The following ADARB2 variants were observed in gnomAD, a reference collection of about 807,000 sequenced individuals.
ADARB2 encodes adenosine deaminase RNA specific B2 (inactive), also known as inactive double-stranded RNA-specific editase B2.
Under a neutral mutation model 62.2 loss-of-function variants are expected in ADARB2, and 25 were observed. The ratio of observed to expected loss-of-function variants is 0.40; its 90% CI spans 0.29 to 0.56. The LOEUF (loss-of-function observed/expected upper bound fraction) is 0.56. ADARB2 is among the 20% of genes least tolerant of loss of function. ADARB2 has a pLI of 0.43. For synonymous variants in ADARB2, 572 were observed against 500.8 expected, an observed-to-expected ratio of 1.14 and a Z score of -1.90; for missense variants, 1,071 against 1,077.4, an observed-to-expected ratio of 0.99 and a Z score of 0.08.
chr10:1,326,792 GCGCCTCCCCAC>G (rs1831853909), intron 3 of ADARB2, among the ~76,000 whole-genome samples: 3 of 89,326 alleles, frequency 3.4e-5, no homozygotes, highest in Admixed American at 2.6e-4. Context: ...TCACTGCCCA[GCGCCTCCCCAC>G]GGCCCAGCGC....
rs1161544195 is a variant in ADARB2, at chr10:1,178,061, A to G, written c.*5132T>C. On this transcript the variant is annotated 3_prime_UTR_variant, in exon 10 of 10. Coordinates refer to ENST00000381312, the MANE Select transcript of ADARB2 (RefSeq NM_018702.4). ...TGGACACATTCAGGAGAGTCCAAAAATGACTGCAGCAACTCCCTGTGCACA... is the reference window on the plus strand; with the variant it reads ...TGGACACATTCAGGAGAGTCCAAAAGTGACTGCAGCAACTCCCTGTGCACA... 6.6e-6 allele frequency: 1 copy of G among 152,214 alleles called. No homozygotes were observed. Among genetic ancestry groups the G allele is most frequent in the Non-Finnish European group, 1.5e-5 (1 of 68,068 alleles). 9.4% of individuals were successfully genotyped at this position (152,214 alleles called of 1,614,324 possible).
At chr10:1,229,725 C>T (rs1449909223) in intron 6 of ADARB2, among the ~76,000 whole-genome samples, 2 of 21,684 alleles carry the variant, frequency 9.2e-5, no homozygotes, top group Non-Finnish European at 2.2e-4. Flanking sequence ...TTCATGTGTG[C>T]ACTTGTGCTT....
At position 1,185,009 on chromosome 10, in the gene ADARB2, C is replaced by A; in HGVS notation, c.1895G>T (p.Gly632Val). Residue 632 changes from glycine to valine, a missense_variant, in exon 9 of 10, where the codon GGG becomes GTG. Coordinates refer to ENST00000381312, the MANE Select transcript of ADARB2 (RefSeq NM_018702.4). ...GVSDAEARQP[G>V]KSPPFSMNWV... ...GTTCATGCTGAAGGGGGGCGACTTCCCCGGCTGGCGCGCCTCGGCGTCACT... is the reference window on the plus strand; with the variant it reads ...GTTCATGCTGAAGGGGGGCGACTTCACCGGCTGGCGCGCCTCGGCGTCACT... The A allele has an allele frequency of 6.2e-7, 1 of 1,613,194 alleles. No individual in the cohort carries two copies. The highest frequency in any genetic ancestry group is 8.5e-7 in the Non-Finnish European group (1 of 1,179,852).
intron 1 of ADARB2, among the ~76,000 whole-genome samples, chr10:1,530,792 G>C (rs1337321232): frequency 6.6e-6 from 1 of 152,116 alleles, no homozygotes; most frequent in East Asian, 1.9e-4. Flanking sequence ...CCTTTGCCTT[G>C]AGGCTTGCTC....
At chr10:1,256,226 A>G (rs1210189624) in intron 4 of ADARB2, among the ~76,000 whole-genome samples, 1 of 152,150 alleles carries the variant, frequency 6.6e-6, no homozygotes, top group Non-Finnish European at 1.5e-5. Context: ...TCTGCTGTGG[A>G]GACTGAGATG....
rs550414016 is a variant in ADARB2, at chr10:1,546,880, G to A, written c.101-167720C>T. Among the ~76,000 whole-genome samples, 8 of 152,360 alleles carry A rather than the reference G, an allele frequency of 5.3e-5. No individual in the cohort carries two copies. The South Asian group carries it at 6.2e-4, about 12-fold the overall frequency. On this transcript the variant is annotated intron_variant, in intron 1 of 9. Coordinates refer to ENST00000381312, the MANE Select transcript of ADARB2 (RefSeq NM_018702.4). ...CTAATGCCAGGCAAGGCGGGAATGCGATGAGGGCTGGCTGGAGGCAGGGCT... is the reference window on the plus strand; with the variant it reads ...CTAATGCCAGGCAAGGCGGGAATGCAATGAGGGCTGGCTGGAGGCAGGGCT...
intron 1 of ADARB2, among the ~76,000 whole-genome samples, chr10:1,546,295 T>C (rs1158114478): frequency 6.6e-6 from 1 of 152,238 alleles, no homozygotes; most frequent in African/African-American, 2.4e-5. Context: ...TGGCTTTCCG[T>C]GCAGAGAGCA....
chr10:1,217,957 CT>C (rs749519943), intron 6 of ADARB2, among the ~76,000 whole-genome samples: 8 of 152,130 alleles, frequency 5.3e-5, no homozygotes, highest in African/African-American at 1.4e-4. Context: ...CCCCGCCCCC[CT>C]ATACCACATT....
intron 1 of ADARB2, among the ~76,000 whole-genome samples, chr10:1,651,369 G>C (rs1834107672): frequency 6.6e-6 from 1 of 152,232 alleles, no homozygotes; most frequent in South Asian, 2.1e-4. Flanking sequence ...GGGGGTGTTG[G>C]GGTGGCTGGG....
intron 1 of ADARB2, among the ~76,000 whole-genome samples, chr10:1,562,713 C>T (rs1272561271): frequency 1.3e-5 from 2 of 152,218 alleles, no homozygotes; most frequent in Non-Finnish European, 2.9e-5. Flanking sequence ...CATGGTTCTG[C>T]CAGTTACCAG....
chr10:1,506,072 AAC>A (rs1244212440), intron 1 of ADARB2, among the ~76,000 whole-genome samples: 5 of 151,834 alleles, frequency 3.3e-5, no homozygotes, highest in Non-Finnish European at 5.9e-5. Flanking sequence ...TTTTAAGAGA[AAC>A]AGTGCATGTG....
At chr10:1,316,035 T>C (rs1831736216) in intron 3 of ADARB2, among the ~76,000 whole-genome samples, 1 of 152,234 alleles carries the variant, frequency 6.6e-6, no homozygotes, top group Admixed American at 6.5e-5. Context: ...GCATAGAAAT[T>C]AAGGCTTTTA....
intron 1 of ADARB2, among the ~76,000 whole-genome samples, chr10:1,624,443 C>G (rs528030129): frequency 6.6e-6 from 1 of 152,200 alleles, no homozygotes; most frequent in East Asian, 1.9e-4. Flanking sequence ...AGCTGGGAGC[C>G]GAGCACGCCC....
intron 1 of ADARB2, among the ~76,000 whole-genome samples, chr10:1,651,383 G>C (rs373384562): frequency 8.0e-4 from 122 of 152,352 alleles, no homozygotes; most frequent in African/African-American, 2.8e-3. Context: ...GGCTGGGGCA[G>C]GCCGCCCTCC....
At chr10:1,342,510 C>G (rs1458886447) in intron 3 of ADARB2, among the ~76,000 whole-genome samples, 1 of 152,218 alleles carries the variant, frequency 6.6e-6, no homozygotes, top group Non-Finnish European at 1.5e-5. Flanking sequence ...CTTTGGGAAG[C>G]CAGTCTTTCC....
intron 3 of ADARB2, among the ~76,000 whole-genome samples, chr10:1,273,093 G>A (rs1310019330): frequency 6.6e-6 from 1 of 152,138 alleles, no homozygotes; most frequent in Non-Finnish European, 1.5e-5. Context: ...GGCCCACTTG[G>A]GCAATCCAGG....
At position 1,314,087 on chromosome 10, in the gene ADARB2, A is replaced by G. The variant is rs567277616; in HGVS notation, c.1078-43018T>C. ...CCCTGTGGACCTGAGGCTCGGAGAC[A>G]TCGGCCCTGGCCTTAGGACCTACTC... On this transcript the variant is annotated intron_variant, in intron 3 of 9. Transcript: ENST00000381312. Among the ~76,000 whole-genome samples the G allele has an allele frequency of 7.9e-5, 12 of 152,370 alleles. 1 individual carries two copies. The South Asian group carries it at 2.5e-3, about 32-fold the overall frequency.
intron 1 of ADARB2, among the ~76,000 whole-genome samples, chr10:1,640,985 GA>G (rs1452740884): frequency 6.6e-6 from 1 of 152,166 alleles, no homozygotes; most frequent in Non-Finnish European, 1.5e-5. Context: ...TAACGTCAGT[GA>G]ACCCATGAAA....
chr10:1,416,218 G>T (rs1203611176), intron 1 of ADARB2, among the ~76,000 whole-genome samples: 2 of 152,210 alleles, frequency 1.3e-5, no homozygotes, highest in African/African-American at 4.8e-5. Flanking sequence ...CACACACACA[G>T]ATATGTACAC....
Sources: allele counts gnomAD v4.1 joint callset (sites outside exome capture counted in the v4.1 genomes callset), GRCh38; gene constraint gnomAD v4.1.1; transcripts MANE v1.5; gene names NCBI Gene and HGNC (gene_info 2026-07-23, HGNC 2026-07-21).